ASAP1: variants seen among roughly 807,000 people sequenced by gnomAD.
ASAP1 encodes ArfGAP with SH3 domain, ankyrin repeat and PH domain 1, also known as arf-GAP with SH3 domain, ANK repeat and PH domain-containing protein 1.
Under a neutral mutation model 145.2 loss-of-function variants are expected in ASAP1, and 43 were observed. The ratio of observed to expected loss-of-function variants is 0.30; its 90% CI spans 0.23 to 0.38. ASAP1 has a LOEUF of 0.38. ASAP1 is among the 10% of genes least tolerant of loss of function. The probability of loss-of-function intolerance (pLI) is 1.00; values close to 1 mark genes in which losing one functional copy is unlikely to be tolerated. For synonymous variants in ASAP1, 546 were observed against 515.5 expected (o/e 1.06, Z -0.80); for missense variants, 1,018 against 1,355.3 (o/e 0.75, Z 3.91).
rs1448184178 is a variant in ASAP1 at position 130,072,830 on chromosome 8, C to CGTGTGCGTGCGCGCGCGCACGCGCGG, written c.2701+3517_2701+3518insCCGCGCGTGCGCGCGCGCACGCACAC. Among the ~76,000 whole-genome samples the CGTGTGCGTGCGCGCGCGCACGCGCGG allele has an allele frequency of 9.4e-5, 3 of 31,922 alleles. No homozygotes were observed. The South Asian group carries it at 3.3e-3, about 35-fold the overall frequency. The allele number at this position is 31,922 out of a possible 152,430, so 20.9% of individuals were successfully genotyped here. A position where few individuals can be genotyped will look rare whatever the true frequency, so the allele number is the denominator to read the frequency against. On this transcript the variant is annotated intron_variant, in intron 27 of 29. Transcript: ENST00000518721. Reference sequence around the variant, plus strand: ...GTGTGTGTGTGTGTGTGTGTGCGCGCGGGGGGGGGCAGTTTTGGGGACTGA... The same window carrying CGTGTGCGTGCGCGCGCGCACGCGCGG: ...GTGTGTGTGTGTGTGTGTGTGCGCGCGTGTGCGTGCGCGCGCGCACGCGCGGGGGGGGGGGCAGTTTTGGGGACTGA...
intron 27 of ASAP1, among the ~76,000 whole-genome samples, chr8:130,068,659 C>T (rs28759724): frequency 0.15 from 22,494 of 152,106 alleles, 2,628 homozygotes; most frequent in African/African-American, 0.33. Context: ...GCTATTCCTG[C>T]GGTAACTGGC....
chr8:130,075,739 AAAG>A (rs1485552243), intron 27 of ASAP1, among the ~76,000 whole-genome samples: 1 of 152,248 alleles, frequency 6.6e-6, no homozygotes, highest in Non-Finnish European at 1.5e-5. Context: ...TGTCAGCATT[AAAG>A]AAGACTCAGT....
intron 3 of ASAP1, 61 bp downstream of exon 3, chr8:130,357,956 A>G (rs1586901210): frequency 1.3e-6 from 2 of 1,540,194 alleles, no homozygotes; most frequent in East Asian, 4.8e-5. Context: ...CGGAGAGGAG[A>G]TCCTCCAGCT....
intron 4 of ASAP1, among the ~76,000 whole-genome samples, chr8:130,226,694 G>A (rs1474369009): frequency 6.6e-6 from 1 of 152,188 alleles, no homozygotes; most frequent in Admixed American, 6.5e-5. Context: ...TTAAATAACA[G>A]AGCCCCAAGA....
intron 3 of ASAP1, among the ~76,000 whole-genome samples, chr8:130,346,218 C>T (rs1371284164): frequency 1.3e-5 from 2 of 152,192 alleles, no homozygotes; most frequent in African/African-American, 4.8e-5. Flanking sequence ...TTACAATCTA[C>T]TAAAAGTGAA....
intron 3 of ASAP1, among the ~76,000 whole-genome samples, chr8:130,283,436 C>T (rs539133993): frequency 6.6e-6 from 1 of 151,706 alleles, no homozygotes; most frequent in East Asian, 1.9e-4. Context: ...AAAGTAGCTG[C>T]GCATGGTGGC....
At chr8:130,105,571 T>A (rs2097535585) in intron 24 of ASAP1, among the ~76,000 whole-genome samples, 2 of 152,240 alleles carry the variant, frequency 1.3e-5, no homozygotes, top group African/African-American at 4.8e-5. Context: ...TCTCTTGAAC[T>A]TATTCCTCCT....
chr8:130,350,512 T>C (rs1046140609), intron 3 of ASAP1, among the ~76,000 whole-genome samples: 1 of 152,202 alleles, frequency 6.6e-6, no homozygotes, highest in African/African-American at 2.4e-5. Context: ...ACTTTATAAC[T>C]GGCAATCCAA....
intron 3 of ASAP1, among the ~76,000 whole-genome samples, chr8:130,297,487 C>T (rs939243743): frequency 2.0e-5 from 3 of 152,234 alleles, no homozygotes; most frequent in African/African-American, 7.2e-5. Flanking sequence ...AAAATGAAGG[C>T]CTTGCATGCC....
chr8:130,072,822 T>TGTGTGTGTGTGTGTGCACGTGTGC, intron 27 of ASAP1, among the ~76,000 whole-genome samples: 1 of 26,058 alleles, frequency 3.8e-5, no homozygotes, highest in Middle Eastern at 0.023. Flanking sequence ...TGTGTGTGTG[T>TGTGTGTGTGTGTGTGCACGTGTGC]GTGCGCGCGG....
At chr8:130,324,931 C>A (rs958406439) in intron 3 of ASAP1, among the ~76,000 whole-genome samples, 2 of 152,310 alleles carry the variant, frequency 1.3e-5, no homozygotes, top group Admixed American at 6.5e-5. Flanking sequence ...CTCGTAACCC[C>A]GAGCTCTGCA....
At chr8:130,268,223 T>C (rs1044723538) in intron 3 of ASAP1, among the ~76,000 whole-genome samples, 5 of 152,154 alleles carry the variant, frequency 3.3e-5, no homozygotes, top group South Asian at 4.1e-4. Context: ...CGGTAGCTCA[T>C]GCCTGTAATC....
At chr8:130,054,917 C>T in intron 29 of ASAP1, 112 bp from the exon 30 acceptor site, 1 of 799,960 alleles carries the variant, frequency 1.3e-6, no homozygotes, top group Non-Finnish European at 2.2e-6. Context: ...CGGTGGAATC[C>T]CAGGCTTACC....
At position 130,052,384 on chromosome 8, in the gene ASAP1, C is replaced by A. The variant is rs991513604; in HGVS notation, c.*2347G>T. 3 of 152,434 alleles carry A rather than the reference C, an allele frequency of 2.0e-5. No individual in the cohort carries two copies. The highest frequency in any genetic ancestry group is 4.8e-5 in the African/African-American group (2 of 41,436). 9.4% of individuals were successfully genotyped at this position (152,434 alleles called of 1,614,324 possible). A position where few individuals can be genotyped will look rare whatever the true frequency, so the allele number is the denominator to read the frequency against. The stretch of plus-strand genomic sequence containing the variant: ...CACACTATTTGCAGAACATAACTTT[C>A]CCCTCTGGGGGAAAAAGAACTAATT... On this transcript the variant is annotated 3_prime_UTR_variant, in exon 30 of 30. Transcript: ENST00000518721.
intron 3 of ASAP1, among the ~76,000 whole-genome samples, chr8:130,350,979 A>G (rs1438742984): frequency 2.0e-5 from 3 of 152,222 alleles, no homozygotes; most frequent in Non-Finnish European, 4.4e-5. Flanking sequence ...TCATTTTCAC[A>G]TCTGCCCAGT....
chr8:130,369,862 T>A (rs1390266417), intron 2 of ASAP1, among the ~76,000 whole-genome samples: 1 of 152,222 alleles, frequency 6.6e-6, no homozygotes. Context: ...AGCAACTGCT[T>A]ACTATTGTGG....
intron 3 of ASAP1, among the ~76,000 whole-genome samples, chr8:130,339,667 G>T (rs1350355801): frequency 1.3e-5 from 2 of 152,138 alleles, no homozygotes; most frequent in Non-Finnish European, 2.9e-5. Flanking sequence ...CTATAATCAG[G>T]AAGTGTTTTA....
intron 25 of ASAP1, chr8:130,083,858 A>G (rs7816255): frequency 0.43 from 65,248 of 152,044 alleles, 14,282 homozygotes; most frequent in Admixed American, 0.49. Flanking sequence ...CAACGGCATC[A>G]TCTCAGCTCA....
chr8:130,428,799 TCAC>T lies in ASAP1; in HGVS notation c.-28+14658_-28+14660del, dbSNP rs560505788. On this transcript the variant is annotated intron_variant, in intron 1 of 29. Coordinates refer to ENST00000518721, the MANE Select transcript of ASAP1 (RefSeq NM_018482.4). Reference sequence around the variant, plus strand: ...CACCATCATCATATCATCATCACCATCACCACCACCACCACCATCATTATCATT... The same window carrying T: ...CACCATCATCATATCATCATCACCATCACCACCACCACCATCATTATCATT... Among the ~76,000 whole-genome samples the T allele has an allele frequency of 2.7e-3, 413 of 151,576 alleles. 1 individual carries two copies. The highest frequency in any genetic ancestry group is 9.5e-3 in the African/African-American group (391 of 41,306).
Sources: allele counts gnomAD v4.1 joint callset (sites outside exome capture counted in the v4.1 genomes callset), GRCh38; gene constraint gnomAD v4.1.1; transcripts MANE v1.5; gene names NCBI Gene and HGNC (gene_info 2026-07-23, HGNC 2026-07-21).